The following LMO7 variants were observed in gnomAD, a reference collection of about 807,000 sequenced individuals.
LMO7 encodes the protein LIM domain only protein 7.
In LMO7, 120 loss-of-function variants were observed where a neutral mutation model predicts 206.5. The ratio of observed to expected loss-of-function variants is 0.58; its 90% CI spans 0.50 to 0.68. The LOEUF is 0.68. LMO7 is among the 30% of genes least tolerant of loss of function. The probability of loss-of-function intolerance (pLI) is 0.00; values close to 1 mark genes in which losing one functional copy is unlikely to be tolerated. For synonymous variants in LMO7, 706 were observed against 681.5 expected, an observed-to-expected ratio of 1.04 and a Z score of -0.56; for missense variants, 1,959 against 1,957.9, an observed-to-expected ratio of 1.00 and a Z score of -0.01.
intron 11 of LMO7, 29 bp from the exon 12 acceptor site, chr13:75,817,132 C>T (rs371099772): frequency 2.4e-5 from 37 of 1,519,254 alleles, no homozygotes; most frequent in Admixed American, 2.4e-4. Flanking sequence ...TGTGAACTTC[C>T]GTAGTAACCA....
intron 3 of LMO7, among the ~76,000 whole-genome samples, chr13:75,739,307 C>T (rs1158767489): frequency 1.3e-5 from 2 of 152,150 alleles, no homozygotes; most frequent in African/African-American, 2.4e-5. Flanking sequence ...TGGGAAAATC[C>T]TCAGTATATT....
chr13:75,831,166 G>A (rs1197899524), intron 15 of LMO7, among the ~76,000 whole-genome samples: 2 of 152,030 alleles, frequency 1.3e-5, no homozygotes, highest in South Asian at 2.1e-4. Context: ...GATTATTAAC[G>A]AGTGTTATGA....
intron 4 of LMO7, among the ~76,000 whole-genome samples, chr13:75,774,494 T>G (rs2050131708): frequency 6.6e-6 from 1 of 152,150 alleles, no homozygotes; most frequent in Non-Finnish European, 1.5e-5. Context: ...GTTACAAATA[T>G]AAGTTGTCCC....
At position 75,739,547 on chromosome 13, in the gene LMO7, C is replaced by T. The variant is rs139927562; in HGVS notation, c.210+12449C>T. The stretch of plus-strand genomic sequence containing the variant: ...TAAATAAAAGGCAAGTCTATGCATC[C>T]CTTCTTACTGCTATTTTCTGGAAAG... On this transcript the variant is annotated intron_variant, in intron 3 of 30. Transcript: ENST00000377534. 2.5e-4 allele frequency among the ~76,000 whole-genome samples: 38 copies of T among 152,274 alleles called. No individual in the cohort carries two copies. The East Asian group carries it at 6.6e-3, about 26-fold the overall frequency.
intron 1 of LMO7, among the ~76,000 whole-genome samples, chr13:75,709,634 T>C (rs2138041001): frequency 6.6e-6 from 1 of 152,366 alleles, no homozygotes; most frequent in East Asian, 1.9e-4. Context: ...TGCCCACTTT[T>C]TGATGGGGCT....
chr13:75,737,752 CAAAAAA>C (rs374266925), intron 3 of LMO7, among the ~76,000 whole-genome samples: 6 of 35,382 alleles, frequency 1.7e-4, no homozygotes, highest in Non-Finnish European at 3.0e-4. Flanking sequence ...GACTCCGTCT[CAAAAAA>C]AAAAAAAATA....
chr13:75,659,093 T>C (rs528124586), intron 1 of LMO7, among the ~76,000 whole-genome samples: 6 of 152,342 alleles, frequency 3.9e-5, no homozygotes, highest in African/African-American at 1.2e-4. Context: ...TTTAGCATTA[T>C]GTGGTATCTT....
intron 3 of LMO7, chr13:75,760,719 A>G (rs2048107700): frequency 2.6e-6 from 4 of 1,533,790 alleles, no homozygotes; most frequent in Non-Finnish European, 3.5e-6. Flanking sequence ...ATGCCCGGGC[A>G]TAAGATAGCA....
At chr13:75,850,839 GAA>G (rs979462171) in intron 27 of LMO7, among the ~76,000 whole-genome samples, 1 of 151,718 alleles carries the variant, frequency 6.6e-6, no homozygotes, top group Non-Finnish European at 1.5e-5. Flanking sequence ...TTGAAAATGT[GAA>G]AAAAGTCTCA....
intron 3 of LMO7, among the ~76,000 whole-genome samples, chr13:75,736,925 G>A (rs755333844): frequency 2.0e-5 from 3 of 152,166 alleles, no homozygotes; most frequent in Non-Finnish European, 4.4e-5. Flanking sequence ...AGAAATGAAT[G>A]AACAAGATTT....
rs554432035 is a variant in LMO7 at position 75,804,469 on chromosome 13, C to A, written c.842C>A (p.Pro281Gln). The change falls in exon 8 of 31, where the codon CCA becomes CAA. Residue 281 changes from proline to glutamine, a missense_variant. Transcript: ENST00000377534. ...YVPAPLRKKK[P>Q]DKHEDNRRSW... ...CCAGCACCTCTGAGAAAGAAAAAGC[C>A]AGACAAACATGAGGATAACAGAAGA... 1 of 1,614,134 alleles carries A rather than the reference C, an allele frequency of 6.2e-7. No homozygotes were observed. Among genetic ancestry groups the A allele is most frequent in the African/African-American group, 1.3e-5 (1 of 75,036 alleles).
rs571148534 is a variant in LMO7 at position 75,662,668 on chromosome 13, T to C, written c.69+25942T>C. Among the ~76,000 whole-genome samples the C allele has an allele frequency of 7.2e-5, 11 of 152,362 alleles. No individual in the cohort carries two copies. The South Asian group carries it at 1.2e-3, about 17-fold the overall frequency. ...AAGTTTTTCTGTGTGGTCCAACTTATGGAATTTTTAGAAGCTGATTATTTA... is the reference window on the plus strand; with the variant it reads ...AAGTTTTTCTGTGTGGTCCAACTTACGGAATTTTTAGAAGCTGATTATTTA... On this transcript the variant is annotated intron_variant, in intron 1 of 30. Coordinates refer to ENST00000377534, the MANE Select transcript of LMO7 (RefSeq NM_001306080.2).
At chr13:75,719,043 G>C (rs141863950) in intron 2 of LMO7, among the ~76,000 whole-genome samples, 1 of 150,214 alleles carries the variant, frequency 6.7e-6, no homozygotes, top group Non-Finnish European at 1.5e-5. Context: ...GCAATGGCGC[G>C]ATCTCGGCTT....
At chr13:75,774,737 TC>T (rs1169045736) in intron 4 of LMO7, among the ~76,000 whole-genome samples, 1 of 152,164 alleles carries the variant, frequency 6.6e-6, no homozygotes, top group African/African-American at 2.4e-5. Flanking sequence ...TTATAAAACT[TC>T]CTTATATATT....
At chr13:75,737,795 A>AAAAAAAAC (rs1566372423) in intron 3 of LMO7, among the ~76,000 whole-genome samples, 7 of 127,012 alleles carry the variant, frequency 5.5e-5, no homozygotes, top group Non-Finnish European at 1.0e-4. Context: ...AAAAAAAAAA[A>AAAAAAAAC]AAAAAACTTT....
At chr13:75,754,455 G>GCATGTA (rs2047514998) in intron 3 of LMO7, among the ~76,000 whole-genome samples, 2 of 152,122 alleles carry the variant, frequency 1.3e-5, no homozygotes, top group Admixed American at 1.3e-4. Context: ...ACATGCACAT[G>GCATGTA]CATGTACATG....
Position 75,696,899 on chromosome 13 carries a change from C to A in LMO7, c.70-16283C>A, listed in dbSNP as rs1016203137. On this transcript the variant is annotated intron_variant, in intron 1 of 30. Coordinates refer to ENST00000377534, the MANE Select transcript of LMO7 (RefSeq NM_001306080.2). ...TCCTGAGAGTGGGTTTTCTCCAGAGCAGCCAGTTGTGGCTATGAGGTAACG... is the reference window on the plus strand; with the variant it reads ...TCCTGAGAGTGGGTTTTCTCCAGAGAAGCCAGTTGTGGCTATGAGGTAACG... Among the ~76,000 whole-genome samples, 5 of 152,282 alleles carry A rather than the reference C, an allele frequency of 3.3e-5. No homozygotes were observed. The East Asian group carries it at 9.7e-4, about 29-fold the overall frequency.
chr13:75,805,140 G>A, intron 8 of LMO7: 1 of 1,110,300 alleles, frequency 9.0e-7, no homozygotes. Flanking sequence ...GGGGCTATAT[G>A]GACTGACGAG....
intron 4 of LMO7, among the ~76,000 whole-genome samples, chr13:75,791,845 T>C (rs1172975988): frequency 6.6e-6 from 1 of 152,148 alleles, no homozygotes; most frequent in Non-Finnish European, 1.5e-5. Flanking sequence ...GTAAGGGCTA[T>C]CATCATACCC....
Sources: gnomAD v4.1 joint callset for allele counts (sites outside exome capture counted in the v4.1 genomes callset) on GRCh38, gnomAD v4.1.1 for gene constraint, MANE v1.5 for transcripts, NCBI Gene and HGNC (gene_info 2026-07-23, HGNC 2026-07-21) for gene names.